Variants in SFSWAP observed in about 807,000 individuals in gnomAD.
SFSWAP encodes splicing factor SWAP, also known as splicing factor, suppressor of white-apricot homolog.
Under a neutral mutation model 100.7 loss-of-function variants are expected in SFSWAP, and 17 were observed. That is an observed-to-expected ratio of 0.17 (90% CI 0.12 to 0.25). SFSWAP has a LOEUF of 0.25. SFSWAP is among the 10% of genes least tolerant of loss of function. The probability of loss-of-function intolerance (pLI) is 1.00; values close to 1 mark genes in which losing one functional copy is unlikely to be tolerated. For missense variants in SFSWAP, 1,005 were observed against 1,262.6 expected, an observed-to-expected ratio of 0.80 and a Z score of 3.09; for synonymous variants, 504 against 510.1, an observed-to-expected ratio of 0.99 and a Z score of 0.16.
intron 13 of SFSWAP, among the ~76,000 whole-genome samples, chr12:131,768,035 A>G (rs781342432): frequency 1.2e-4 from 18 of 152,268 alleles, no homozygotes; most frequent in African/African-American, 1.7e-4. Flanking sequence ...AGGCGATTGC[A>G]TGCGCGTGCT....
In SFSWAP at chr12:131,714,138, G is replaced by C. The variant is rs200629440; in HGVS notation, c.286G>C (p.Asp96His). The change falls in exon 2 of 18, where the codon GAT becomes CAT. Residue 96 changes from aspartate (D) to histidine (H), a missense_variant. Asp to His is a moderately conservative substitution (Grantham distance 81, BLOSUM62 -1). Coordinates refer to ENST00000261674, the MANE Select transcript of SFSWAP (RefSeq NM_004592.4). This position sits in a 1 kb window ranked among gnomAD's most constrained non-coding sequence, Gnocchi z 6.0. ...TGCTGAGTATTCCACGTGGAACAGA[G>C]ATTATCAGCTGTCTGAAGAGGAGGC... The part of the protein sequence containing the change: ...YDAEYSTWNR[D>H]YQLSEEEARI... 12 of 1,614,060 alleles carry C rather than the reference G, an allele frequency of 7.4e-6. No individual in the cohort carries two copies. The East Asian group carries it at 2.5e-4, about 33-fold the overall frequency.
At position 131,797,270 on chromosome 12, in the gene SFSWAP, C is replaced by T. The variant is rs753000773; in HGVS notation, c.2627C>T (p.Ala876Val). 7 of 1,612,170 alleles carry T rather than the reference C, an allele frequency of 4.3e-6. No homozygotes were observed. Among genetic ancestry groups the T allele is most frequent in the Admixed American group, 3.3e-5 (2 of 59,976 alleles). The change falls in exon 16 of 18, where the codon GCG (alanine) becomes GTG (valine). Residue 876 changes from alanine (A) to valine (V), a missense_variant. By Grantham distance (64) the Ala-to-Val change is moderately conservative. Coordinates refer to ENST00000261674, the MANE Select transcript of SFSWAP (RefSeq NM_004592.4). ...TCGGTGTCACCCAGCAAGCAGGCAG[C>T]GCCCCGGCCCGCGGCCCCCGCGGCC... The part of the protein sequence containing the change: ...SQSVSPSKQA[A>V]PRPAAPAAHS...
In SFSWAP at chr12:131,787,436, C is replaced by T. The variant is rs138835066; in HGVS notation, c.2534+848C>T. On this transcript the variant is annotated intron_variant, in intron 15 of 17. Transcript: ENST00000261674. Reference sequence around the variant, plus strand: ...ACTGATGTCACCACCCAGTGCCTTGCGTGGGGCAGCCGTGCATTTCCACTC... The same window carrying T: ...ACTGATGTCACCACCCAGTGCCTTGTGTGGGGCAGCCGTGCATTTCCACTC... 4.0e-3 allele frequency among the ~76,000 whole-genome samples: 603 copies of T among 152,296 alleles called. 4 individuals carry two copies. Among genetic ancestry groups the T allele is most frequent in the African/African-American group, 0.014 (576 of 41,572 alleles).
intron 7 of SFSWAP, among the ~76,000 whole-genome samples, chr12:131,751,536 G>A (rs1209818741): frequency 6.6e-6 from 1 of 152,282 alleles, no homozygotes; most frequent in Non-Finnish European, 1.5e-5. Flanking sequence ...CGCCCTGGCT[G>A]AGAGGAAGCA....
chr12:131,784,482 A>G (rs1246449572), intron 14 of SFSWAP: 2 of 152,214 alleles, frequency 1.3e-5, no homozygotes, highest in Admixed American at 6.5e-5. Flanking sequence ...GACTGTTATC[A>G]TTGAAAAAAG....
At chr12:131,797,821 C>G (rs1885793497) in intron 16 of SFSWAP, among the ~76,000 whole-genome samples, 1 of 152,236 alleles carries the variant, frequency 6.6e-6, no homozygotes, top group Non-Finnish European at 1.5e-5. Flanking sequence ...CGTCCCAGTC[C>G]CGGGCTAGGT....
At chr12:131,739,284 AT>A (rs1358620593) in intron 7 of SFSWAP, among the ~76,000 whole-genome samples, 3 of 152,184 alleles carry the variant, frequency 2.0e-5, no homozygotes, top group Non-Finnish European at 2.9e-5. Context: ...TGTTTAAAGT[AT>A]TACCAGTGAC....
chr12:131,799,338 C>T, intron 17 of SFSWAP, 85 bp from the exon 18 acceptor site: 3 of 1,425,432 alleles, frequency 2.1e-6, no homozygotes, highest in Admixed American at 1.7e-5. Context: ...TGGTCTTGAC[C>T]ACCAACTCGT....
chr12:131,789,852 C>T (rs570266067), intron 15 of SFSWAP, among the ~76,000 whole-genome samples: 3 of 152,356 alleles, frequency 2.0e-5, no homozygotes, highest in Non-Finnish European at 4.4e-5. Flanking sequence ...TCAGGACACA[C>T]AGAAGTGTCC....
intron 7 of SFSWAP, among the ~76,000 whole-genome samples, chr12:131,729,928 T>C (rs1379583671): frequency 1.3e-5 from 2 of 152,354 alleles, no homozygotes; most frequent in East Asian, 3.9e-4. Flanking sequence ...CTAAACGTTT[T>C]TAGACTTTAA....
At chr12:131,767,319 C>A (rs1057210103) in intron 13 of SFSWAP, among the ~76,000 whole-genome samples, 3 of 152,210 alleles carry the variant, frequency 2.0e-5, no homozygotes, top group African/African-American at 7.2e-5. Flanking sequence ...AATTTAGAAT[C>A]TTTTAAGTTT....
chr12:131,766,265 A>C lies in SFSWAP; in HGVS notation c.2099A>C (p.Glu700Ala), dbSNP rs1485491905. Residue 700 changes from glutamate (E) to alanine (A), a missense_variant, in exon 13 of 18, where the codon GAA becomes GCA. Physicochemically the swap from Glu to Ala is moderately radical, Grantham distance 107. Transcript: ENST00000261674. Reference protein sequence around the residue: ...FLQTLKNPLPEAEAGKIEESP... With the variant: ...FLQTLKNPLPAAEAGKIEESP... ...CAGACCCTCAAAAATCCTCTGCCGG[A>C]AGCAGAAGCTGGGAAAATTGAGGAG... is the stretch of plus-strand genomic sequence containing the variant. 1.2e-6 allele frequency: 2 copies of C among 1,614,176 alleles called. No individual in the cohort carries two copies. Among genetic ancestry groups the C allele is most frequent in the Admixed American group, 1.7e-5 (1 of 60,022 alleles).
chr12:131,795,399 C>A (rs895740204), intron 15 of SFSWAP, among the ~76,000 whole-genome samples: 1 of 152,220 alleles, frequency 6.6e-6, no homozygotes, highest in Non-Finnish European at 1.5e-5. Flanking sequence ...CGCTCAGTCC[C>A]CCCCTGCATA....
chr12:131,756,358 GGCA>G (rs1233589234), intron 10 of SFSWAP, 112 bp from the exon 11 acceptor site: 6 of 843,310 alleles, frequency 7.1e-6, no homozygotes, highest in East Asian at 2.5e-5. Flanking sequence ...GTGCTGCTTG[GGCA>G]GTAATGTACA....
chr12:131,726,309 A>G (rs1878972599), intron 5 of SFSWAP, among the ~76,000 whole-genome samples: 1 of 152,166 alleles, frequency 6.6e-6, no homozygotes, highest in Admixed American at 6.5e-5. Flanking sequence ...TCCCGGGTTC[A>G]AGCAATTCTC....
chr12:131,731,371 C>T (rs2136194460), intron 7 of SFSWAP, among the ~76,000 whole-genome samples: 1 of 152,314 alleles, frequency 6.6e-6, no homozygotes, highest in South Asian at 2.1e-4. Context: ...TTCTGCCTGC[C>T]TCATGCTTCT....
At chr12:131,755,280 C>G (rs1882051892) in intron 9 of SFSWAP, 106 bp from the exon 10 acceptor site, 12 of 778,644 alleles carry the variant, frequency 1.5e-5, no homozygotes, top group East Asian at 2.5e-5. Context: ...CAGTAACCAC[C>G]TTGTGGGATT....
chr12:131,778,405 G>A lies in SFSWAP; in HGVS notation c.2408+75G>A. On this transcript the variant is annotated intron_variant, in intron 14 of 17. Transcript: ENST00000261674. The surrounding 1 kb of genome is among the most constrained non-coding windows in gnomAD (Gnocchi z 4.2). ...CTTCACAGGACACCCAGTAGAGCTA[G>A]GTAGAACGTTTAAAATCAGTGCCGC... 2.6e-6 allele frequency: 4 copies of A among 1,546,982 alleles called. No individual in the cohort carries two copies. The highest frequency in any genetic ancestry group is 3.5e-6 in the Non-Finnish European group (4 of 1,150,450).
intron 6 of SFSWAP, among the ~76,000 whole-genome samples, chr12:131,727,423 G>A (rs756346747): frequency 4.6e-5 from 7 of 152,144 alleles, no homozygotes; most frequent in Non-Finnish European, 1.0e-4. Context: ...GAGGCAGGTG[G>A]ATCACCTGAC....
Sources: gnomAD v4.1 joint callset for allele counts (sites outside exome capture counted in the v4.1 genomes callset) on GRCh38, gnomAD v4.1.1 for gene constraint, Gnocchi (gnomAD v3.1) non-coding constraint, MANE v1.5 for transcripts, NCBI Gene and HGNC (gene_info 2026-07-23, HGNC 2026-07-21) for gene names.